Variants in NRG3 observed in about 807,000 individuals in gnomAD.
The protein encoded by NRG3 is pro-neuregulin-3, membrane-bound isoform.
Under a neutral mutation model 66.9 loss-of-function variants are expected in NRG3, and 31 were observed. The observed-to-expected ratio is 0.46, with a 90% CI of 0.35 to 0.63. NRG3 has a LOEUF of 0.63. NRG3 is among the 20% of genes least tolerant of loss of function. The probability of loss-of-function intolerance (pLI) is 0.00; values close to 1 mark genes in which losing one functional copy is unlikely to be tolerated. For missense variants in NRG3, 910 were observed against 878.9 expected (o/e 1.04, Z -0.45); for synonymous variants, 393 against 359.4 (o/e 1.09, Z -1.06).
chr10:82,281,067 A>C (rs1479960941), intron 1 of NRG3, among the ~76,000 whole-genome samples: 1 of 152,174 alleles, frequency 6.6e-6, no homozygotes, highest in Non-Finnish European at 1.5e-5. Context: ...TGAGATACTG[A>C]ACTATGGAAA....
chr10:82,658,050 G>T (rs1190640397), intron 2 of NRG3, among the ~76,000 whole-genome samples: 1 of 152,006 alleles, frequency 6.6e-6, no homozygotes, highest in Non-Finnish European at 1.5e-5. Context: ...CTAATTCTAA[G>T]GTCAAGCATT....
At chr10:82,422,124 C>T (rs2089126579) in intron 2 of NRG3, among the ~76,000 whole-genome samples, 1 of 152,080 alleles carries the variant, frequency 6.6e-6, no homozygotes, top group South Asian at 2.1e-4. Context: ...TTTCAATACA[C>T]TTGTTTAAGC....
intron 2 of NRG3, among the ~76,000 whole-genome samples, chr10:82,727,639 C>A (rs1386469781): frequency 6.6e-6 from 1 of 152,228 alleles, no homozygotes; most frequent in East Asian, 1.9e-4. Context: ...TCTGCTAGGG[C>A]AGTGCAGAAG....
intron 2 of NRG3, among the ~76,000 whole-genome samples, chr10:82,495,825 C>CACACACACAT (rs1399691649): frequency 6.6e-6 from 1 of 151,556 alleles, no homozygotes; most frequent in East Asian, 1.9e-4. Flanking sequence ...CACACACACA[C>CACACACACAT]ACACACACAC....
chr10:82,953,439 C>T (rs1010505460), intron 5 of NRG3, among the ~76,000 whole-genome samples: 5 of 152,036 alleles, frequency 3.3e-5, no homozygotes, highest in East Asian at 1.9e-4. Flanking sequence ...CTGCGCAGAG[C>T]GAGTTAGGAG....
chr10:82,039,530 G>T (rs2062936627), intron 1 of NRG3, among the ~76,000 whole-genome samples: 3 of 152,064 alleles, frequency 2.0e-5, no homozygotes, highest in African/African-American at 2.4e-5. Flanking sequence ...TTAGTGTGAT[G>T]ATTAACAGAA....
chr10:82,521,343 C>T (rs972299142), intron 2 of NRG3, among the ~76,000 whole-genome samples: 2 of 151,884 alleles, frequency 1.3e-5, no homozygotes, highest in Admixed American at 6.6e-5. Context: ...GGGGTGATTA[C>T]GGACTTTTTT....
At chr10:81,896,714 G>T (rs561891997) in intron 1 of NRG3, among the ~76,000 whole-genome samples, 44 of 144,690 alleles carry the variant, frequency 3.0e-4, no homozygotes, top group African/African-American at 9.5e-4. Context: ...TGTTTATTAT[G>T]GCTTAAGGGG....
intron 1 of NRG3, among the ~76,000 whole-genome samples, chr10:82,136,527 G>T (rs1007954293): frequency 6.6e-6 from 1 of 152,152 alleles, no homozygotes; most frequent in Non-Finnish European, 1.5e-5. Flanking sequence ...CTGCAGTTGA[G>T]CTGGTAGCAA....
At chr10:82,076,209 GTCT>G (rs2065080868) in intron 1 of NRG3, among the ~76,000 whole-genome samples, 1 of 152,120 alleles carries the variant, frequency 6.6e-6, no homozygotes, top group African/African-American at 2.4e-5. Context: ...CACAGTGCAG[GTCT>G]TAAGTAAAAT....
intron 2 of NRG3, among the ~76,000 whole-genome samples, chr10:82,362,548 G>GTTTTTTTTTTTTTT (rs10694679): frequency 0.014 from 1,137 of 83,120 alleles, 167 homozygotes; most frequent in East Asian, 0.04. Context: ...TAATTTCTGG[G>GTTTTTTTTTTTTTT]TTTTTTTTTT....
At chr10:82,493,537 A>G (rs7099818) in intron 2 of NRG3, among the ~76,000 whole-genome samples, 151,853 of 152,282 alleles carry the variant, frequency 1, 75,713 homozygotes, top group Middle Eastern at 1. Context: ...TCACTGATGG[A>G]CATTTGGGTT....
At chr10:82,105,623 C>T (rs1279940405) in intron 1 of NRG3, among the ~76,000 whole-genome samples, 1 of 152,102 alleles carries the variant, frequency 6.6e-6, no homozygotes, top group Non-Finnish European at 1.5e-5. Context: ...TGATGCCCTA[C>T]GTCATCCTCT....
chr10:82,944,777 A>G (rs1848861563), intron 4 of NRG3, among the ~76,000 whole-genome samples: 1 of 152,202 alleles, frequency 6.6e-6, no homozygotes, highest in Non-Finnish European at 1.5e-5. Context: ...AAGAGAGAAA[A>G]TGTTCGAAAA....
intron 2 of NRG3, among the ~76,000 whole-genome samples, chr10:82,485,441 A>G (rs1842607137): frequency 6.7e-6 from 1 of 149,594 alleles, no homozygotes; most frequent in Non-Finnish European, 1.5e-5. Flanking sequence ...TATTAATTTG[A>G]CTAATTTGAG....
At chr10:82,620,068 A>G (rs1277303689) in intron 2 of NRG3, among the ~76,000 whole-genome samples, 1 of 152,178 alleles carries the variant, frequency 6.6e-6, no homozygotes, top group Non-Finnish European at 1.5e-5. Flanking sequence ...GGCACCAGCA[A>G]GAGCAGGCTT....
Position 82,716,624 on chromosome 10 carries a change from C to T in NRG3, c.954-21953C>T, listed in dbSNP as rs144415570. On this transcript the variant is annotated intron_variant, in intron 2 of 8. Transcript: ENST00000372141. The stretch of plus-strand genomic sequence containing the variant: ...TAAATTAACGTTTCTTTGTCCAAAC[C>T]AAAATGAGGCCCTGACTCATTTCAG... 6.2e-3 allele frequency among the ~76,000 whole-genome samples: 937 copies of T among 152,202 alleles called. 12 individuals are homozygous for T. The highest frequency in any genetic ancestry group is 0.021 in the African/African-American group (890 of 41,522).
chr10:81,924,189 C>T (rs1384962497), intron 1 of NRG3, among the ~76,000 whole-genome samples: 2 of 152,148 alleles, frequency 1.3e-5, no homozygotes, highest in Non-Finnish European at 2.9e-5. Context: ...AGAACACGTA[C>T]ACAGCTCTTG....
intron 1 of NRG3, among the ~76,000 whole-genome samples, chr10:82,188,526 G>A (rs1333535970): frequency 6.6e-6 from 1 of 151,972 alleles, no homozygotes. Flanking sequence ...CCACAGAACG[G>A]GAGAAAATAG....
Sources: allele counts gnomAD v4.1 joint callset (sites outside exome capture counted in the v4.1 genomes callset), GRCh38; gene constraint gnomAD v4.1.1; transcripts MANE v1.5; gene names NCBI Gene and HGNC (gene_info 2026-07-23, HGNC 2026-07-21).